ABCC4: variants seen among roughly 807,000 people sequenced by gnomAD.
ABCC4 encodes the protein ATP-binding cassette sub-family C member 4.
In ABCC4, 102 loss-of-function variants were observed where a neutral mutation model predicts 168.5. The ratio of observed to expected loss-of-function variants is 0.61; its 90% CI spans 0.52 to 0.71. The LOEUF (loss-of-function observed/expected upper bound fraction) is 0.71. Ranked by LOEUF, ABCC4 falls within the 30% of genes least tolerant of loss-of-function variation. The probability of loss-of-function intolerance (pLI) is 0.00; values close to 1 mark genes in which losing one functional copy is unlikely to be tolerated. For synonymous variants in ABCC4, 617 were observed against 590.7 expected (o/e 1.04, Z -0.65); for missense variants, 1,402 against 1,605.8 (o/e 0.87, Z 2.17).
At chr13:95,176,338 A>C (rs1473237658) in intron 13 of ABCC4, among the ~76,000 whole-genome samples, 1 of 150,674 alleles carries the variant, frequency 6.6e-6, no homozygotes, top group African/African-American at 2.4e-5. Context: ...CTTCAAAAAA[A>C]CACTGAATGA....
At chr13:95,208,121 G>A (rs2038834912) in intron 6 of ABCC4, among the ~76,000 whole-genome samples, 196 bp from the exon 7 acceptor site, 2 of 152,142 alleles carry the variant, frequency 1.3e-5, no homozygotes, top group South Asian at 4.1e-4. Flanking sequence ...AACTCAACAA[G>A]TATTTTGGAG....
At chr13:95,195,822 C>T (rs910695347) in intron 8 of ABCC4, among the ~76,000 whole-genome samples, 3 of 152,020 alleles carry the variant, frequency 2.0e-5, no homozygotes, top group African/African-American at 7.2e-5. Flanking sequence ...ACACTGGAGA[C>T]AGGGTTTCAC....
rs544489481 is a variant in ABCC4 at position 95,267,531 on chromosome 13, C to A, written c.75-19778G>T. Among the ~76,000 whole-genome samples the A allele has an allele frequency of 9.9e-5, 15 of 152,248 alleles. No individual in the cohort carries two copies. In the South Asian group the frequency reaches 2.7e-3, roughly 27 times the overall value. On this transcript the variant is annotated intron_variant, in intron 1 of 30. Coordinates refer to ENST00000645237, the MANE Select transcript of ABCC4 (RefSeq NM_005845.5). ...ACCAGCTCCCCTGACTTGTCTTCTGCAAAGCTCTACAGGCATGGTGACAAG... is the reference window on the plus strand; with the variant it reads ...ACCAGCTCCCCTGACTTGTCTTCTGAAAAGCTCTACAGGCATGGTGACAAG...
chr13:95,234,507 G>A, intron 4 of ABCC4, 103 bp downstream of exon 4: 1 of 903,126 alleles, frequency 1.1e-6, no homozygotes, highest in South Asian at 1.7e-5. Flanking sequence ...ACCCAGGCTG[G>A]AGTGCAGTGG....
intron 8 of ABCC4, among the ~76,000 whole-genome samples, chr13:95,204,235 CAG>C (rs557835648): frequency 1.2e-3 from 179 of 152,236 alleles, no homozygotes; most frequent in Middle Eastern, 3.4e-3. Context: ...CCACAAGAAA[CAG>C]AGAACCTTTC....
intron 16 of ABCC4, 121 bp from the exon 17 acceptor site, chr13:95,163,768 A>C (rs1338424487): frequency 3.7e-6 from 3 of 804,692 alleles, no homozygotes; most frequent in Non-Finnish European, 4.1e-6. Context: ...GTGGTGGCTC[A>C]TGCTTGTAAA....
intron 16 of ABCC4, 107 bp from the exon 17 acceptor site, chr13:95,163,754 G>A (rs1594212165): frequency 1.2e-5 from 11 of 928,978 alleles, no homozygotes; most frequent in East Asian, 7.9e-5. Flanking sequence ...CCTCAAAGCC[G>A]GGCGTGGTGG....
At chr13:95,096,056 C>A in intron 20 of ABCC4, 1 of 425,794 alleles carries the variant, frequency 2.3e-6, no homozygotes, top group Non-Finnish European at 4.1e-6. Context: ...AAAAAAACAA[C>A]ATTTAGCCAG....
At chr13:95,050,489 A>G (rs1265079649) in intron 27 of ABCC4, among the ~76,000 whole-genome samples, 1 of 152,204 alleles carries the variant, frequency 6.6e-6, no homozygotes, top group African/African-American at 2.4e-5. Context: ...CCCCCAAACG[A>G]GCAATGTAAA....
rs140994912 is a variant in ABCC4 at position 95,223,542 on chromosome 13, C to G, written c.531+11068G>C. Among the ~76,000 whole-genome samples the G allele has an allele frequency of 5.7e-3, 872 of 152,294 alleles. 10 individuals are homozygous for G. The highest frequency in any genetic ancestry group is 0.019 in the African/African-American group (793 of 41,548). On this transcript the variant is annotated intron_variant, in intron 4 of 30. Transcript: ENST00000645237. ...TTTTTGAGAAAGAGTCTCACTCTCA[C>G]CCAGGCTGGAGTACAGTGGTGTGAT...
At chr13:95,272,765 G>A (rs941284239) in intron 1 of ABCC4, among the ~76,000 whole-genome samples, 1 of 142,358 alleles carries the variant, frequency 7.0e-6, no homozygotes, top group Non-Finnish European at 1.5e-5. Flanking sequence ...GTGCATGCCT[G>A]TAATCCCCGC....
intron 4 of ABCC4, among the ~76,000 whole-genome samples, chr13:95,215,858 T>A (rs527891436): frequency 5.3e-5 from 8 of 152,186 alleles, no homozygotes; most frequent in South Asian, 2.1e-4. Flanking sequence ...GGACTTTGCA[T>A]TTAAAAAGAA....
chr13:95,181,055 A>C (rs1036711070), intron 11 of ABCC4, among the ~76,000 whole-genome samples: 1 of 152,242 alleles, frequency 6.6e-6, no homozygotes, highest in African/African-American at 2.4e-5. Context: ...CAGAAAGCAG[A>C]AGTGCTCCCA....
At chr13:95,158,835 T>G (rs1212119299) in intron 19 of ABCC4, among the ~76,000 whole-genome samples, 3 of 151,868 alleles carry the variant, frequency 2.0e-5, no homozygotes, top group South Asian at 2.1e-4. Flanking sequence ...TTGAGGAGAC[T>G]GAGGCAGGAA....
rs138609913 is a variant in ABCC4, at chr13:95,166,763, A to G, written c.1825-396T>C. ...CTAACACTGATAGGGAGGTAGGAAC[A>G]GGCATATCTGCACAGGTAGGAAGCA... On this transcript the variant is annotated intron_variant, in intron 14 of 30. Transcript: ENST00000645237. Among the ~76,000 whole-genome samples, 164 of 152,352 alleles carry G rather than the reference A, an allele frequency of 1.1e-3. 1 individual carries two copies. Among genetic ancestry groups the G allele is most frequent in the African/African-American group, 3.1e-3 (127 of 41,574 alleles).
At chr13:95,076,646 G>A (rs1456177418) in intron 21 of ABCC4, among the ~76,000 whole-genome samples, 2 of 151,908 alleles carry the variant, frequency 1.3e-5, no homozygotes, top group African/African-American at 2.4e-5. Context: ...TGAATTTTTA[G>A]TAGAGACATG....
At chr13:95,286,969 AAAAGAAAAG>A (rs2041273590) in intron 1 of ABCC4, among the ~76,000 whole-genome samples, 1 of 149,912 alleles carries the variant, frequency 6.7e-6, no homozygotes, top group South Asian at 2.1e-4. Flanking sequence ...AAAAAAAAAA[AAAAGAAAAG>A]AAAAGAAAAA....
At chr13:95,118,261 T>G (rs1258904467) in intron 19 of ABCC4, among the ~76,000 whole-genome samples, 3 of 152,098 alleles carry the variant, frequency 2.0e-5, no homozygotes, top group Non-Finnish European at 4.4e-5. Flanking sequence ...TTTAATTTTT[T>G]TTTTTTTTTG....
intron 19 of ABCC4, among the ~76,000 whole-genome samples, chr13:95,142,091 T>C (rs1446326471): frequency 1.3e-5 from 2 of 152,234 alleles, no homozygotes; most frequent in Non-Finnish European, 2.9e-5. Flanking sequence ...CTACTGGGTA[T>C]CTACTCAGAG....
Sources: gnomAD v4.1 joint callset for allele counts (sites outside exome capture counted in the v4.1 genomes callset) on GRCh38, gnomAD v4.1.1 for gene constraint, MANE v1.5 for transcripts, NCBI Gene and HGNC (gene_info 2026-07-23, HGNC 2026-07-21) for gene names.